ARHGAP45: variants seen among roughly 807,000 people sequenced by gnomAD.
The protein encoded by ARHGAP45 is Rho GTPase activating protein 45.
Under a neutral mutation model 116.1 loss-of-function variants are expected in ARHGAP45, and 56 were observed. The observed-to-expected ratio is 0.48, with a 90% confidence interval of 0.39 to 0.60. The LOEUF is 0.60. Ranked by LOEUF, ARHGAP45 falls within the 20% of genes least tolerant of loss-of-function variation. The pLI is 0.00. For synonymous variants in ARHGAP45, 866 were observed against 701.7 expected (o/e 1.23, Z -3.70); for missense variants, 1,622 against 1,601.0 (o/e 1.01, Z -0.22).
chr19:1,077,768 T>TG (rs976312984), intron 10 of ARHGAP45, 89 bp from the exon 11 acceptor site: 2 of 1,542,068 alleles, frequency 1.3e-6, no homozygotes, highest in African/African-American at 2.7e-5. Flanking sequence ...CTGAGAGAGA[T>TG]GGGGGTGGGG....
upstream of ARHGAP45, chr19:1,067,052 A>C: frequency 2.0e-6 from 1 of 489,712 alleles, no homozygotes; most frequent in Admixed American, 6.0e-5. Context: ...CGCCAGCGTC[A>C]GGCAGGGGCT....
chr19:1,067,952 G>C lies in ARHGAP45; in HGVS notation c.90+457G>C, dbSNP rs867200050. On this transcript the variant is annotated intron_variant, in intron 1 of 22. Coordinates refer to ENST00000313093, the MANE Select transcript of ARHGAP45 (RefSeq NM_012292.5). ...TCCCCAGGCCTGGGGTGTCTACAAA[G>C]CTGGGGGGGGGGTCTACAGAGCTTG... 1.1e-4 allele frequency among the ~76,000 whole-genome samples: 11 copies of C among 98,762 alleles called. No individual in the cohort carries two copies. In the South Asian group the frequency reaches 3.5e-3, roughly 31 times the overall value. 64.8% of individuals were successfully genotyped at this position (98,762 alleles called of 152,430 possible). A position where few individuals can be genotyped will look rare whatever the true frequency, so the allele number is the denominator to read the frequency against.
Position 1,080,883 on chromosome 19 carries a change from T to G in ARHGAP45, c.2018-9T>G, listed in dbSNP as rs748843005. The G allele has an allele frequency of 4.4e-5, 70 of 1,606,822 alleles. 1 individual carries two copies. The South Asian group carries it at 4.5e-4, about 10-fold the overall frequency. ...CCTTGGTGACACCGGCTGCCTGTGC[T>G]GCCCGCAGCTGACCTCAACGGCATG... On this transcript the variant is annotated splice_polypyrimidine_tract_variant and intron_variant, in intron 16 of 22. Transcript: ENST00000313093.
chr19:1,086,110 T>C lies in ARHGAP45; in HGVS notation c.*104T>C. 1.8e-6 allele frequency: 2 copies of C among 1,110,664 alleles called. No homozygotes were observed. Among genetic ancestry groups the C allele is most frequent in the East Asian group, 2.5e-5 (1 of 40,802 alleles). 68.8% of individuals were successfully genotyped at this position (1,110,664 alleles called of 1,614,324 possible). On this transcript the variant is annotated 3_prime_UTR_variant, in exon 23 of 23. Coordinates refer to ENST00000313093, the MANE Select transcript of ARHGAP45 (RefSeq NM_012292.5). ...ATAGCTTAGGTGCGCCGTCCTGGGGTCGCTGCCGAGAGCGCCTGGACTTCG... is the reference window on the plus strand; with the variant it reads ...ATAGCTTAGGTGCGCCGTCCTGGGGCCGCTGCCGAGAGCGCCTGGACTTCG...
intron 19 of ARHGAP45, 34 bp from the exon 20 acceptor site, chr19:1,082,784 ACACGTGGGGGCTGGGCCAGGCC>A: frequency 7.2e-7 from 1 of 1,387,222 alleles, no homozygotes; most frequent in Admixed American, 2.9e-5. Context: ...CGTGGCAGGC[ACACGTGGGGGCTGGGCCAGGCC>A]CACCAACACC....
At chr19:1,076,301 C>G (rs754603690) in intron 10 of ARHGAP45, among the ~76,000 whole-genome samples, 8 of 152,054 alleles carry the variant, frequency 5.3e-5, no homozygotes, top group Non-Finnish European at 1.2e-4. Flanking sequence ...CCTTTGCTTA[C>G]TTTGTACTGG....
intron 11 of ARHGAP45, among the ~76,000 whole-genome samples, chr19:1,079,202 T>C (rs1362284865): frequency 2.1e-5 from 3 of 142,884 alleles, no homozygotes; most frequent in Non-Finnish European, 4.5e-5. Context: ...AAATTCTTTA[T>C]AAAGATGGGG....
In ARHGAP45 at chr19:1,085,690, C is replaced by G; in HGVS notation, c.3095C>G (p.Ser1032Trp). ...CGAGTTGTGTCCAACGATTCGGACT[C>G]GGACCTAGAGGAGGCCTCCGAGCTG... is the stretch of plus-strand genomic sequence containing the variant. ...ESRVVSNDSD[S>W]DLEEASELLS... The change falls in exon 23 of 23, where the codon TCG becomes TGG. Residue 1032 changes from serine (S) to tryptophan (W), a missense_variant. Around this residue, in one of 3 missense-constraint regions of ARHGAP45, gnomAD observed 1,334 missense variants for 1,263.8 expected, o/e 1.06. Coordinates refer to ENST00000313093, the MANE Select transcript of ARHGAP45 (RefSeq NM_012292.5). The G allele has an allele frequency of 1.3e-6, 2 of 1,591,156 alleles. No individual in the cohort carries two copies. Among genetic ancestry groups the G allele is most frequent in the Non-Finnish European group, 1.7e-6 (2 of 1,165,356 alleles).
chr19:1,071,512 C>A lies in ARHGAP45; in HGVS notation c.422-1637C>A. 1 of 484,646 alleles carries A rather than the reference C, an allele frequency of 2.1e-6. No individual in the cohort carries two copies. The highest frequency in any genetic ancestry group is 2.7e-6 in the Non-Finnish European group (1 of 369,402). The allele number at this position is 484,646 out of a possible 1,614,324, so 30.0% of individuals were successfully genotyped here. On this transcript the variant is annotated intron_variant, in intron 2 of 22. Coordinates refer to ENST00000313093, the MANE Select transcript of ARHGAP45 (RefSeq NM_012292.5). The surrounding 1 kb of genome is among the most constrained non-coding windows in gnomAD (Gnocchi z 4.6). ...TCCCTGCGCTGCGCAGGGGTCGCGC[C>A]GGCCGCCGGCTTCCCGGGTAGGGGG...
rs35124413 is a variant in ARHGAP45 at position 1,084,315 on chromosome 19, G to C, written c.3033G>C (p.Pro1011=). 1.7e-3 allele frequency: 2,698 copies of C among 1,610,890 alleles called. 44 individuals are homozygous for C. In the African/African-American group the frequency reaches 0.032, roughly 19 times the overall value. Residue 1011 remains proline (P), a synonymous_variant, in exon 22 of 23, where the codon CCG becomes CCC. Transcript: ENST00000313093. ...AGGCGGGCGAGGCGGTGGTCTACCC[G>C]CTGCAGGAGGCGGCGGCGGACGGGT... ...YLEAGEAVVY[P]LQEAAADGCR...
Position 1,073,182 on chromosome 19 carries a change from A to C in ARHGAP45, c.455A>C (p.Glu152Ala), listed in dbSNP as rs749767030. 6.2e-7 allele frequency: 1 copy of C among 1,611,600 alleles called. No individual in the cohort carries two copies. The highest frequency in any genetic ancestry group is 8.5e-7 in the Non-Finnish European group (1 of 1,179,974). Residue 152 changes from glutamate (E) to alanine (A), a missense_variant, in exon 3 of 23, where the codon GAG becomes GCG. Physicochemically the swap from Glu to Ala is moderately radical, Grantham distance 107. Transcript: ENST00000313093. ...GAGGCCCGCCGCCCGCGGGCCCACGAGTGCCTGGGTGAGGCTCTGCGTGTC... is the reference window on the plus strand; with the variant it reads ...GAGGCCCGCCGCCCGCGGGCCCACGCGTGCCTGGGTGAGGCTCTGCGTGTC... ...LLEARRPRAH[E>A]CLGEALRVMH...
intron 21 of ARHGAP45, among the ~76,000 whole-genome samples, 197 bp downstream of exon 21, chr19:1,083,550 G>C (rs533438421): frequency 6.6e-6 from 1 of 152,328 alleles, no homozygotes; most frequent in African/African-American, 2.4e-5. Context: ...GAATCTGGCA[G>C]AGGTGCAAAG....
chr19:1,073,805 G>C, intron 5 of ARHGAP45, 59 bp downstream of exon 5: 1 of 1,544,852 alleles, frequency 6.5e-7, no homozygotes. Context: ...CCGGGTTCAG[G>C]TCTGCAGGGC....
intron 10 of ARHGAP45, chr19:1,077,578 G>C: frequency 8.2e-7 from 1 of 1,221,278 alleles, no homozygotes; most frequent in Non-Finnish European, 1.1e-6. Flanking sequence ...TAGATACGGG[G>C]TTTCACTATG....
In ARHGAP45 at chr19:1,071,572, G is replaced by A; in HGVS notation, c.422-1577G>A. 2 of 197,838 alleles carry A rather than the reference G, an allele frequency of 1.0e-5. No homozygotes were observed. The highest frequency in any genetic ancestry group is 1.8e-4 in the South Asian group (1 of 5,688). The allele number at this position is 197,838 out of a possible 1,614,324, so 12.3% of individuals were successfully genotyped here. A position where few individuals can be genotyped will look rare whatever the true frequency, so the allele number is the denominator to read the frequency against. On this transcript the variant is annotated intron_variant, in intron 2 of 22. Transcript: ENST00000313093. This position sits in a 1 kb window ranked among gnomAD's most constrained non-coding sequence, Gnocchi z 4.6. Reference sequence around the variant, plus strand: ...ACAGCCGGGGGTCCGTGCGCCGGCCGCGCGCGGAGTGCCGGGTGCCCGGCT... The same window carrying A: ...ACAGCCGGGGGTCCGTGCGCCGGCCACGCGCGGAGTGCCGGGTGCCCGGCT...
chr19:1,080,920 G>T lies in ARHGAP45; in HGVS notation c.2046G>T (p.Leu682=), dbSNP rs541974632. The change falls in exon 17 of 23, where the codon CTG becomes CTT. Residue 682 remains leucine (L), a synonymous_variant. Transcript: ENST00000313093. Reference sequence around the variant, plus strand: ...ACCTCAACGGCATGACCCCCGAGCTGCCGGTGGCCGTGCCCAGTGGACCGT... The same window carrying T: ...ACCTCAACGGCATGACCCCCGAGCTTCCGGTGGCCGTGCCCAGTGGACCGT... ...QADLNGMTPE[L]PVAVPSGPFR... The T allele has an allele frequency of 1.2e-6, 2 of 1,609,108 alleles. No homozygotes were observed. Among genetic ancestry groups the T allele is most frequent in the African/African-American group, 1.3e-5 (1 of 75,000 alleles).
chr19:1,082,961 G>C lies in ARHGAP45; in HGVS notation c.2639G>C (p.Ser880Thr), dbSNP rs908993621. 13 of 1,568,164 alleles carry C rather than the reference G, an allele frequency of 8.3e-6. No individual in the cohort carries two copies. Among genetic ancestry groups the C allele is most frequent in the Non-Finnish European group, 1.0e-5 (12 of 1,161,512 alleles). The change falls in exon 20 of 23, where the codon AGC (serine) becomes ACC (threonine). Residue 880 changes from serine to threonine, a missense_variant. Physicochemically the swap from Ser to Thr is moderately conservative, Grantham distance 58. Around this residue, in one of 3 missense-constraint regions of ARHGAP45, gnomAD observed 1,334 missense variants for 1,263.8 expected, o/e 1.06. Coordinates refer to ENST00000313093, the MANE Select transcript of ARHGAP45 (RefSeq NM_012292.5). Reference protein sequence around the residue: ...ASRGRQDGSESEAVAVALAGR... With the variant: ...ASRGRQDGSETEAVAVALAGR... ...CGGGGCCGGCAGGACGGCTCGGAGA[G>C]CGAGGCAGTGGCGGTGGCCCTGGCA... is the stretch of plus-strand genomic sequence containing the variant.
chr19:1,066,038 C>T (rs1206654061), upstream of ARHGAP45: 4 of 1,535,492 alleles, frequency 2.6e-6, no homozygotes, highest in East Asian at 2.4e-5. Context: ...GAGTCGGGGG[C>T]AAAGAGTTCT....
rs1455832957 is a variant in ARHGAP45, at chr19:1,068,251, G to A, written c.91-163G>A. On this transcript the variant is annotated intron_variant, in intron 1 of 22. Transcript: ENST00000313093. The surrounding 1 kb of genome is among the most constrained non-coding windows in gnomAD (Gnocchi z 7.5). ...GGAAGAGGATGTTGGGTAACAGGTGGGGGGGTACACTACCAAATCTCGGCC... is the reference window on the plus strand; with the variant it reads ...GGAAGAGGATGTTGGGTAACAGGTGAGGGGGTACACTACCAAATCTCGGCC... The A allele has an allele frequency of 1.2e-5, 7 of 600,940 alleles. No homozygotes were observed. Among genetic ancestry groups the A allele is most frequent in the East Asian group, 3.0e-5 (1 of 32,896 alleles). The allele number at this position is 600,940 out of a possible 1,614,324, so 37.2% of individuals were successfully genotyped here.
Sources: allele counts gnomAD v4.1 joint callset (sites outside exome capture counted in the v4.1 genomes callset), GRCh38; gene constraint gnomAD v4.1.1; regional missense constraint gnomAD v4.1.1; non-coding constraint Gnocchi (gnomAD v3.1); transcripts MANE v1.5; gene names NCBI Gene and HGNC (gene_info 2026-07-23, HGNC 2026-07-21).